The following DHX36 variants were observed in gnomAD, a reference collection of about 807,000 sequenced individuals.
DHX36 encodes the protein ATP-dependent DNA/RNA helicase DHX36.
DHX36 carries 50 observed loss-of-function variants against 139.0 expected under a neutral mutation model. That is an observed-to-expected ratio of 0.36 (90% confidence interval 0.29 to 0.46). The LOEUF (loss-of-function observed/expected upper bound fraction) is 0.46. DHX36 is among the 20% of genes least tolerant of loss of function. The pLI is 1.00. For synonymous variants in DHX36, 425 were observed against 401.9 expected, an observed-to-expected ratio of 1.06 and a Z score of -0.69; for missense variants, 1,024 against 1,211.3, an observed-to-expected ratio of 0.85 and a Z score of 2.29.
At chr3:154,317,922 C>T (rs189397050) in intron 1 of DHX36, among the ~76,000 whole-genome samples, 126 of 152,102 alleles carry the variant, frequency 8.3e-4, no homozygotes, top group African/African-American at 2.8e-3. Context: ...TTACTCTGTA[C>T]AGTGCAACTC....
chr3:154,277,335 A>G (rs532991525), intron 23 of DHX36, among the ~76,000 whole-genome samples: 1 of 152,308 alleles, frequency 6.6e-6, no homozygotes, highest in East Asian at 1.9e-4. Flanking sequence ...ACCATAAAAT[A>G]TGCCAATATT....
At chr3:154,292,724 AAAACACAC>A in intron 14 of DHX36, 30 bp from the exon 15 acceptor site, 1 of 1,563,334 alleles carries the variant, frequency 6.4e-7, no homozygotes, top group Non-Finnish European at 8.6e-7. Flanking sequence ...ATAAAATGTT[AAAACACAC>A]ACACACACAC....
In DHX36 at chr3:154,289,657, T is replaced by C. The variant is rs961506618; in HGVS notation, c.1932+52A>G. ...ACAGTACTTTGTTCTACAAAAGATG[T>C]TGAAAATGAGATCACTTCCATTTAG... On this transcript the variant is annotated intron_variant, in intron 16 of 24. Transcript: ENST00000496811. The C allele has an allele frequency of 3.5e-5, 37 of 1,059,446 alleles. 1 individual carries two copies. Among genetic ancestry groups the C allele is most frequent in the South Asian group, 3.1e-4 (24 of 77,612 alleles). The allele number at this position is 1,059,446 out of a possible 1,614,324, so 65.6% of individuals were successfully genotyped here.
Position 154,284,938 on chromosome 3 carries a change from G to A in DHX36, c.2081C>T (p.Ala694Val). ...AATATGTGGCTCAACGGGTAATCGT[G>A]CCAAGTGGACTCCAAGAGGTGTCAA... is the stretch of plus-strand genomic sequence containing the variant. ...EELTPLGVHL[A>V]RLPVEPHIGK... Residue 694 changes from alanine (A) to valine (V), a missense_variant, in exon 18 of 25, where the codon GCA (alanine) becomes GTA (valine). Coordinates refer to ENST00000496811, the MANE Select transcript of DHX36 (RefSeq NM_020865.3). The A allele has an allele frequency of 6.2e-7, 1 of 1,614,166 alleles. No homozygotes were observed. Among genetic ancestry groups the A allele is most frequent in the Non-Finnish European group, 8.5e-7 (1 of 1,180,030 alleles).
chr3:154,282,740 C>T (rs1463423608), intron 20 of DHX36, among the ~76,000 whole-genome samples: 5 of 152,134 alleles, frequency 3.3e-5, no homozygotes, highest in African/African-American at 7.2e-5. Context: ...TCACTGGCTT[C>T]GAATACCCAG....
rs753517232 is a variant in DHX36 at position 154,288,887 on chromosome 3, G to A, written c.2010C>T (p.Ser670=). Residue 670 remains serine (S), a synonymous_variant, in exon 17 of 25, where the codon TCC becomes TCT. Transcript: ENST00000496811. The part of the protein sequence containing the change: ...DPPSNEAVLL[S]IRHLMELNAL... ...TTACCAGCTCCATCAGGTGTCTTAT[G>A]GAGAGTAACACTGCCTCATTTGATG... 2 of 1,577,634 alleles carry A rather than the reference G, an allele frequency of 1.3e-6. No individual in the cohort carries two copies. Among genetic ancestry groups the A allele is most frequent in the South Asian group, 1.2e-5 (1 of 83,186 alleles).
chr3:154,290,580 G>A (rs905669100), intron 15 of DHX36, among the ~76,000 whole-genome samples: 59 of 145,338 alleles, frequency 4.1e-4, no homozygotes, highest in African/African-American at 1.5e-3. Flanking sequence ...AGGTTGCAGT[G>A]AGCCAAGATC....
chr3:154,304,497 T>C (rs540041938), intron 8 of DHX36, among the ~76,000 whole-genome samples: 5 of 152,188 alleles, frequency 3.3e-5, no homozygotes, highest in Non-Finnish European at 7.4e-5. Context: ...TAACCTGTGA[T>C]AAAAGCCACA....
At position 154,289,907 on chromosome 3, in the gene DHX36, C is replaced by T. The variant is rs1458848972; in HGVS notation, c.1815-81G>A. ...TTAGAACTGCAGAGAAAATACTAGG[C>T]AGGGAAGTAGCCAATATCAATTTCT... On this transcript the variant is annotated intron_variant, in intron 15 of 24. Coordinates refer to ENST00000496811, the MANE Select transcript of DHX36 (RefSeq NM_020865.3). The T allele has an allele frequency of 2.7e-5, 21 of 773,798 alleles. No individual in the cohort carries two copies. The East Asian group carries it at 4.1e-4, about 15-fold the overall frequency. The allele number at this position is 773,798 out of a possible 1,614,324, so 47.9% of individuals were successfully genotyped here. A position where few individuals can be genotyped will look rare whatever the true frequency, so the allele number is the denominator to read the frequency against.
intron 19 of DHX36, 82 bp downstream of exon 19, chr3:154,284,500 AG>A: frequency 8.0e-7 from 1 of 1,251,216 alleles, no homozygotes; most frequent in East Asian, 2.5e-5. Flanking sequence ...AGATTTCAAA[AG>A]GTTAAATATG....
rs559576605 is a variant in DHX36 at position 154,324,419 on chromosome 3, T to C, written c.-3A>G. 1.3e-4 allele frequency: 198 copies of C among 1,507,344 alleles called. 1 individual carries two copies. The highest frequency in any genetic ancestry group is 8.6e-4 in the South Asian group (65 of 75,520). 93.4% of individuals were successfully genotyped at this position (1,507,344 alleles called of 1,614,324 possible). ...TTCTGATGGTAGTCATAACTCATTG[T>C]CCTGGCAGACTACAACCCGTCAGAA... On this transcript the variant is annotated 5_prime_UTR_variant, in exon 1 of 25. Transcript: ENST00000496811.
intron 11 of DHX36, among the ~76,000 whole-genome samples, chr3:154,300,137 C>T (rs913392173): frequency 6.6e-6 from 1 of 152,056 alleles, no homozygotes; most frequent in Non-Finnish European, 1.5e-5. Context: ...GGCATGATCT[C>T]GGATCACTGC....
Position 154,286,175 on chromosome 3 carries a change from A to AC in DHX36, c.2032-1189_2032-1188insG, listed in dbSNP as rs1461915348. ...AAGAGCTTCCACACACCAAAAAAAA[A>AC]AAAAAAAAAAAAAAAAACACCAACA... On this transcript the variant is annotated intron_variant, in intron 17 of 24. Transcript: ENST00000496811. 5.1e-4 allele frequency among the ~76,000 whole-genome samples: 64 copies of AC among 124,382 alleles called. 1 individual carries two copies. The highest frequency in any genetic ancestry group is 1.9e-3 in the South Asian group (6 of 3,082). The allele number at this position is 124,382 out of a possible 152,430, so 81.6% of individuals were successfully genotyped here. A position where few individuals can be genotyped will look rare whatever the true frequency, so the allele number is the denominator to read the frequency against.
In DHX36 at chr3:154,304,776, T is replaced by C. The variant is rs746261805; in HGVS notation, c.1135+30A>G. The C allele has an allele frequency of 2.7e-6, 4 of 1,464,716 alleles. No homozygotes were observed. In the African/African-American group the frequency reaches 5.7e-5, roughly 21 times the overall value. 90.7% of individuals were successfully genotyped at this position (1,464,716 alleles called of 1,614,324 possible). A position where few individuals can be genotyped will look rare whatever the true frequency, so the allele number is the denominator to read the frequency against. Reference sequence around the variant, plus strand: ...TTTTAATTGTTTTTCTAGTACCTTTTCTAATGTAATAACTATACATTTTAC... The same window carrying C: ...TTTTAATTGTTTTTCTAGTACCTTTCCTAATGTAATAACTATACATTTTAC... On this transcript the variant is annotated intron_variant, in intron 8 of 24. Transcript: ENST00000496811.
chr3:154,298,705 G>C (rs1420039038), intron 12 of DHX36, among the ~76,000 whole-genome samples: 1 of 151,262 alleles, frequency 6.6e-6, no homozygotes, highest in Non-Finnish European at 1.5e-5. Flanking sequence ...CACAAGGTCA[G>C]GAGATCAAGA....
At chr3:154,321,697 G>A (rs373578226) in intron 1 of DHX36, among the ~76,000 whole-genome samples, 7 of 152,134 alleles carry the variant, frequency 4.6e-5, no homozygotes, top group East Asian at 3.9e-4. Context: ...CATGGCTCAC[G>A]CCTGTAATCC....
chr3:154,290,158 C>T lies in DHX36; in HGVS notation c.1815-332G>A, dbSNP rs553267473. Among the ~76,000 whole-genome samples, 20 of 152,182 alleles carry T rather than the reference C, an allele frequency of 1.3e-4. No individual in the cohort carries two copies. In the South Asian group the frequency reaches 3.9e-3, roughly 30 times the overall value. ...CCTAGGTTAAGGTTAAGAATAGTAA[C>T]GTCAAGTATGCCTTGTGATCAATCT... is the stretch of plus-strand genomic sequence containing the variant. On this transcript the variant is annotated intron_variant, in intron 15 of 24. Coordinates refer to ENST00000496811, the MANE Select transcript of DHX36 (RefSeq NM_020865.3).
chr3:154,324,421 C>A lies in DHX36; in HGVS notation c.-5G>T. On this transcript the variant is annotated 5_prime_UTR_variant, in exon 1 of 25. It adds an upstream start codon to the 5' untranslated region. Transcript: ENST00000496811. ...CTGATGGTAGTCATAACTCATTGTC[C>A]TGGCAGACTACAACCCGTCAGAACC... The A allele has an allele frequency of 6.7e-7, 1 of 1,503,162 alleles. No individual in the cohort carries two copies. The highest frequency in any genetic ancestry group is 2.2e-5 in the Admixed American group (1 of 44,540). The allele number at this position is 1,503,162 out of a possible 1,614,324, so 93.1% of individuals were successfully genotyped here. A position where few individuals can be genotyped will look rare whatever the true frequency, so the allele number is the denominator to read the frequency against.
In DHX36 at chr3:154,310,700, C is replaced by T. The variant is rs189880539; in HGVS notation, c.643-877G>A. Among the ~76,000 whole-genome samples, 1,030 of 141,554 alleles carry T rather than the reference C, an allele frequency of 7.3e-3. 6 individuals carry two copies. Among genetic ancestry groups the T allele is most frequent in the Admixed American group, 0.016 (211 of 13,610 alleles). 92.9% of individuals were successfully genotyped at this position (141,554 alleles called of 152,430 possible). On this transcript the variant is annotated intron_variant, in intron 4 of 24. Transcript: ENST00000496811. ...AGCTGAGGCAGGAGGATCGCTTGAA[C>T]CCGAGAGTCGGGAGTTTGCAGTAAG... is the stretch of plus-strand genomic sequence containing the variant.
Sources: allele counts gnomAD v4.1 joint callset (sites outside exome capture counted in the v4.1 genomes callset), GRCh38; gene constraint gnomAD v4.1.1; transcripts MANE v1.5; gene names NCBI Gene and HGNC (gene_info 2026-07-23, HGNC 2026-07-21).